Variants in EYS observed in about 807,000 individuals in gnomAD.
EYS encodes protein eyes shut homolog.
Under a neutral mutation model 282.1 loss-of-function variants are expected in EYS, and 250 were observed. The observed-to-expected ratio is 0.89, with a 90% CI of 0.80 to 0.98. The LOEUF is 0.98. Ranked by LOEUF, EYS falls within the 50% of genes least tolerant of loss-of-function variation. The pLI, the probability that EYS is intolerant of heterozygous loss-of-function variation, is 0.00. For missense variants in EYS, 4,016 were observed against 3,709.0 expected, an observed-to-expected ratio of 1.08 and a Z score of -2.15; for synonymous variants, 1,355 against 1,282.9, an observed-to-expected ratio of 1.06 and a Z score of -1.20.
intron 26 of EYS, among the ~76,000 whole-genome samples, chr6:64,574,978 A>G (rs16895497): frequency 0.12 from 19,002 of 152,144 alleles, 1,287 homozygotes; most frequent in East Asian, 0.27. Context: ...GGCTTTTTAG[A>G]GAGTGATAGA....
chr6:63,768,792 T>C lies in EYS; in HGVS notation c.7899-6159A>G, dbSNP rs539047614. 2.6e-5 allele frequency among the ~76,000 whole-genome samples: 4 copies of C among 152,140 alleles called. No homozygotes were observed. The South Asian group carries it at 8.3e-4, about 32-fold the overall frequency. Reference sequence around the variant, plus strand: ...CATTTGTATGTTAACCGCAGCACTATACACAATAGCAAAGACATGGAATCA... The same window carrying C: ...CATTTGTATGTTAACCGCAGCACTACACACAATAGCAAAGACATGGAATCA... On this transcript the variant is annotated intron_variant, in intron 40 of 42. Transcript: ENST00000503581.
At chr6:64,601,999 G>T (rs972247055) in intron 24 of EYS, among the ~76,000 whole-genome samples, 1 of 151,776 alleles carries the variant, frequency 6.6e-6, no homozygotes, top group Non-Finnish European at 1.5e-5. Context: ...TTTATCACAC[G>T]GGTTATAACT....
intron 5 of EYS, among the ~76,000 whole-genome samples, chr6:65,446,702 A>G (rs1177950786): frequency 1.3e-5 from 2 of 151,920 alleles, no homozygotes; most frequent in Non-Finnish European, 2.9e-5. Context: ...ACTTTGATAC[A>G]TTCCTGAATT....
intron 35 of EYS, among the ~76,000 whole-genome samples, chr6:63,914,043 C>A (rs1198962208): frequency 1.3e-5 from 2 of 152,100 alleles, no homozygotes; most frequent in African/African-American, 4.8e-5. Flanking sequence ...TCAGGTGCCA[C>A]AAACCACTCC....
At chr6:65,186,720 C>A (rs1417290438) in intron 12 of EYS, among the ~76,000 whole-genome samples, 1 of 151,720 alleles carries the variant, frequency 6.6e-6, no homozygotes, top group East Asian at 1.9e-4. Flanking sequence ...GATTGGGCTT[C>A]AGAACGGTGT....
chr6:64,583,441 T>C (rs1048352698), intron 26 of EYS, among the ~76,000 whole-genome samples: 3 of 152,088 alleles, frequency 2.0e-5, no homozygotes, highest in Non-Finnish European at 2.9e-5. Flanking sequence ...CAAACAATCA[T>C]AGTGGTGACT....
At chr6:64,883,724 C>G (rs1319060267) in intron 19 of EYS, among the ~76,000 whole-genome samples, 3 of 151,490 alleles carry the variant, frequency 2.0e-5, no homozygotes, top group African/African-American at 7.2e-5. Flanking sequence ...CACTGCAAAT[C>G]TACTGATAAA....
intron 12 of EYS, among the ~76,000 whole-genome samples, chr6:65,275,079 A>C (rs1038147211): frequency 1.2e-4 from 18 of 152,196 alleles, no homozygotes; most frequent in African/African-American, 4.1e-4. Context: ...ATTGCTGTGC[A>C]AGCTACTCTG....
rs1768325951 is a variant in EYS at position 63,720,386 on chromosome 6, A to G, written c.*210T>C. 1 of 480,926 alleles carries G rather than the reference A, an allele frequency of 2.1e-6. No homozygotes were observed. Among genetic ancestry groups the G allele is most frequent in the African/African-American group, 2.0e-5 (1 of 49,832 alleles). 29.8% of individuals were successfully genotyped at this position (480,926 alleles called of 1,614,324 possible). On this transcript the variant is annotated 3_prime_UTR_variant, in exon 43 of 43. Transcript: ENST00000503581. Reference sequence around the variant, plus strand: ...ACTGAACTAATGGAGTTAAAACATGAATCAAAATATATACAGATAAATTAG... The same window carrying G: ...ACTGAACTAATGGAGTTAAAACATGGATCAAAATATATACAGATAAATTAG...
At chr6:63,867,696 G>A (rs1772702053) in intron 35 of EYS, among the ~76,000 whole-genome samples, 1 of 152,124 alleles carries the variant, frequency 6.6e-6, no homozygotes, top group African/African-American at 2.4e-5. Flanking sequence ...TGTAATATGT[G>A]GATTCAGATG....
At chr6:65,162,637 C>T (rs937518653) in intron 12 of EYS, among the ~76,000 whole-genome samples, 1 of 147,188 alleles carries the variant, frequency 6.8e-6, no homozygotes, top group African/African-American at 2.6e-5. Context: ...TACTTTAAAA[C>T]TATTACATAA....
intron 12 of EYS, among the ~76,000 whole-genome samples, chr6:65,175,592 A>G (rs1765205654): frequency 6.6e-6 from 1 of 151,428 alleles, no homozygotes; most frequent in Admixed American, 6.6e-5. Context: ...AATTATTCAT[A>G]AAGCATTTCT....
intron 22 of EYS, among the ~76,000 whole-genome samples, chr6:64,791,222 T>C (rs926805469): frequency 6.6e-6 from 1 of 151,852 alleles, no homozygotes; most frequent in Non-Finnish European, 1.5e-5. Flanking sequence ...TTTATAAAAT[T>C]TGCAAATTTC....
intron 31 of EYS, among the ~76,000 whole-genome samples, chr6:64,109,443 T>C (rs1158746183): frequency 6.6e-6 from 1 of 152,064 alleles, no homozygotes; most frequent in Admixed American, 6.6e-5. Context: ...TTCTATGTAA[T>C]ATAAAATAAT....
At chr6:65,370,945 T>C (rs985535897) in intron 8 of EYS, among the ~76,000 whole-genome samples, 8 of 151,732 alleles carry the variant, frequency 5.3e-5, no homozygotes, top group Non-Finnish European at 1.5e-5. Context: ...TCAATAAAAA[T>C]AATGTTTGAA....
rs140801928 is a variant in EYS, at chr6:65,003,685, A to G, written c.2138-5982T>C. Among the ~76,000 whole-genome samples the G allele has an allele frequency of 8.1e-3, 1,179 of 146,358 alleles. 39 individuals carry two copies. The highest frequency in any genetic ancestry group is 0.027 in the African/African-American group (1,089 of 40,958). ...CAGCTTTAAAATTTCTCTCTTTTGT[A>G]CTCTGTCCCTTTATTTCTCAAGCCG... On this transcript the variant is annotated intron_variant, in intron 13 of 42. Transcript: ENST00000503581.
chr6:65,600,129 A>G (rs1263076943), intron 2 of EYS, among the ~76,000 whole-genome samples: 2 of 152,066 alleles, frequency 1.3e-5, no homozygotes, highest in African/African-American at 4.8e-5. Flanking sequence ...ATCTGGGGAT[A>G]GCAGGTAGTG....
chr6:64,296,188 T>G (rs1466561842), intron 30 of EYS, among the ~76,000 whole-genome samples: 1 of 152,158 alleles, frequency 6.6e-6, no homozygotes, highest in Non-Finnish European at 1.5e-5. Flanking sequence ...AAAAGTCTAT[T>G]AAAACTCTTC....
At chr6:63,952,948 A>G (rs994424635) in intron 35 of EYS, among the ~76,000 whole-genome samples, 4 of 152,062 alleles carry the variant, frequency 2.6e-5, no homozygotes, top group Admixed American at 1.3e-4. Context: ...CAGCCTATAA[A>G]CTCTCCTGAC....
Sources: allele counts gnomAD v4.1 joint callset (sites outside exome capture counted in the v4.1 genomes callset), GRCh38; gene constraint gnomAD v4.1.1; transcripts MANE v1.5; gene names NCBI Gene and HGNC (gene_info 2026-07-23, HGNC 2026-07-21).